DCDC2: variants seen among roughly 807,000 people sequenced by gnomAD.
DCDC2 encodes doublecortin domain containing 2.
A neutral mutation model predicts 50.2 loss-of-function variants in DCDC2; 40 were observed. That is an observed-to-expected ratio of 0.80 (90% CI 0.62 to 1.04). DCDC2 has a LOEUF of 1.04. DCDC2 is among the 50% of genes least tolerant of loss of function. The probability of loss-of-function intolerance (pLI) is 0.00; values close to 1 mark genes in which losing one functional copy is unlikely to be tolerated. For missense variants in DCDC2, 570 were observed against 581.9 expected, an observed-to-expected ratio of 0.98 and a Z score of 0.21; for synonymous variants, 234 against 210.6, an observed-to-expected ratio of 1.11 and a Z score of -0.96.
At chr6:24,276,849 A>T (rs1763369316) in intron 7 of DCDC2, among the ~76,000 whole-genome samples, 1 of 151,368 alleles carries the variant, frequency 6.6e-6, no homozygotes, top group Non-Finnish European at 1.5e-5. Context: ...TCAGATAGAT[A>T]ATAGAGCTAA....
chr6:24,284,707 C>T (rs1763556182), intron 6 of DCDC2, among the ~76,000 whole-genome samples: 1 of 151,950 alleles, frequency 6.6e-6, no homozygotes, highest in South Asian at 2.1e-4. Flanking sequence ...AATCCAAACT[C>T]TTTGCATGCC....
chr6:24,179,961 A>AAG (rs1167044280), intron 8 of DCDC2, among the ~76,000 whole-genome samples: 2 of 147,932 alleles, frequency 1.4e-5, no homozygotes, highest in African/African-American at 5.0e-5. Context: ...CTCAAAAAAA[A>AAG]AAAAAAAAAA....
At chr6:24,206,832 G>A (rs746191010) in intron 7 of DCDC2, among the ~76,000 whole-genome samples, 12 of 152,214 alleles carry the variant, frequency 7.9e-5, no homozygotes, top group Non-Finnish European at 1.8e-4. Flanking sequence ...GCTGTGCACA[G>A]TGACACAAAG....
chr6:24,356,191 A>C (rs1760464084), intron 1 of DCDC2, among the ~76,000 whole-genome samples: 1 of 152,224 alleles, frequency 6.6e-6, no homozygotes, highest in Admixed American at 6.5e-5. Flanking sequence ...TGGATATAAA[A>C]GGTAATATAC....
At position 24,302,092 on chromosome 6, in the gene DCDC2, C is replaced by CT. The variant is rs199924443; in HGVS notation, c.349-49dup. 4.8e-4 allele frequency: 719 copies of CT among 1,494,872 alleles called. 1 individual carries two copies. Among genetic ancestry groups the CT allele is most frequent in the East Asian group, 1.1e-3 (49 of 43,576 alleles). The allele number at this position is 1,494,872 out of a possible 1,614,324, so 92.6% of individuals were successfully genotyped here. On this transcript the variant is annotated intron_variant, in intron 2 of 9. Transcript: ENST00000378454. ...ATATAAACCACTAAGCTTATATTAGCTTTTTTTTTCCTATGAGGAAAATCT... is the reference window on the plus strand; with the variant it reads ...ATATAAACCACTAAGCTTATATTAGCTTTTTTTTTTCCTATGAGGAAAATCT...
At chr6:24,355,591 C>T (rs918662607) in intron 1 of DCDC2, among the ~76,000 whole-genome samples, 3 of 152,140 alleles carry the variant, frequency 2.0e-5, no homozygotes, top group Non-Finnish European at 2.9e-5. Flanking sequence ...CTGAGTCAAG[C>T]GACTTGCCCA....
intron 5 of DCDC2, 125 bp downstream of exon 5, chr6:24,290,807 T>C (rs1763727020): frequency 1.2e-6 from 1 of 832,174 alleles, no homozygotes; most frequent in Non-Finnish European, 1.8e-6. Flanking sequence ...ATACCATATA[T>C]GCTTTCCATT....
At chr6:24,238,624 G>C (rs578055548) in intron 7 of DCDC2, among the ~76,000 whole-genome samples, 3 of 152,074 alleles carry the variant, frequency 2.0e-5, no homozygotes, top group African/African-American at 7.2e-5. Context: ...TTATAGTTAG[G>C]CTATAACCAG....
chr6:24,369,222 T>A, the DCDC2 span, among the ~76,000 whole-genome samples: 1 of 151,968 alleles, frequency 6.6e-6, no homozygotes, highest in South Asian at 2.1e-4. Context: ...AAGCCCCTTT[T>A]GTTTGTTTTT....
chr6:24,273,226 A>G (rs1763278958), intron 7 of DCDC2, among the ~76,000 whole-genome samples: 1 of 152,240 alleles, frequency 6.6e-6, no homozygotes, highest in South Asian at 2.1e-4. Flanking sequence ...TGAGAGCTAA[A>G]TAATGCGTAC....
chr6:24,290,478 TG>T (rs1561760778), intron 5 of DCDC2, among the ~76,000 whole-genome samples: 1 of 152,230 alleles, frequency 6.6e-6, no homozygotes, highest in African/African-American at 2.4e-5. Flanking sequence ...GGGATTATGT[TG>T]TTTTTATATT....
chr6:24,267,004 T>G (rs1257675365), intron 7 of DCDC2, among the ~76,000 whole-genome samples: 1 of 152,142 alleles, frequency 6.6e-6, no homozygotes, highest in Non-Finnish European at 1.5e-5. Context: ...GTCATTTCCA[T>G]CAACATGGAT....
chr6:24,371,544 G>A, the DCDC2 span, among the ~76,000 whole-genome samples: 41 of 152,124 alleles, frequency 2.7e-4, no homozygotes, highest in Non-Finnish European at 5.1e-4. Flanking sequence ...GGAGGCAGAG[G>A]TTGCAGTGTG....
intron 2 of DCDC2, among the ~76,000 whole-genome samples, chr6:24,331,364 A>T (rs956600639): frequency 6.6e-5 from 10 of 151,970 alleles, no homozygotes; most frequent in Non-Finnish European, 1.2e-4. Flanking sequence ...TCAGTAGCAC[A>T]ATCACAGCTC....
chr6:24,304,293 G>C lies in DCDC2; in HGVS notation c.349-2249C>G, dbSNP rs1327825606. Among the ~76,000 whole-genome samples the C allele has an allele frequency of 1.3e-5, 2 of 152,154 alleles. 1 individual carries two copies. The highest frequency in any genetic ancestry group is 2.9e-5 in the Non-Finnish European group (2 of 68,032). ...AGGTCAGGAGTTGGAGACCAGCCTG[G>C]CCAACATGGTGAAACCCTATCTCTA... On this transcript the variant is annotated intron_variant, in intron 2 of 9. Coordinates refer to ENST00000378454, the MANE Select transcript of DCDC2 (RefSeq NM_016356.5).
At chr6:24,268,784 C>T (rs1457106173) in intron 7 of DCDC2, among the ~76,000 whole-genome samples, 1 of 152,114 alleles carries the variant, frequency 6.6e-6, no homozygotes, top group Non-Finnish European at 1.5e-5. Context: ...GCTGGCCAGG[C>T]TGGTCTTGAA....
At chr6:24,207,662 C>A (rs1187382968) in intron 7 of DCDC2, among the ~76,000 whole-genome samples, 5 of 152,138 alleles carry the variant, frequency 3.3e-5, no homozygotes, top group African/African-American at 1.2e-4. Context: ...CCCTGTAGCT[C>A]CTTTCCTATC....
intron 2 of DCDC2, among the ~76,000 whole-genome samples, chr6:24,313,061 T>G (rs1454653642): frequency 6.6e-6 from 1 of 152,216 alleles, no homozygotes; most frequent in Non-Finnish European, 1.5e-5. Context: ...AAATTCTGGT[T>G]TGATTTTTCT....
chr6:24,326,361 C>T (rs1759865006), intron 2 of DCDC2, among the ~76,000 whole-genome samples: 1 of 148,710 alleles, frequency 6.7e-6, no homozygotes, highest in Non-Finnish European at 1.5e-5. Flanking sequence ...AAGGACCCCC[C>T]CATGCCCTAG....
Sources: allele counts gnomAD v4.1 joint callset (sites outside exome capture counted in the v4.1 genomes callset), GRCh38; gene constraint gnomAD v4.1.1; transcripts MANE v1.5; gene names NCBI Gene and HGNC (gene_info 2026-07-23, HGNC 2026-07-21).